ARSB: variants seen among roughly 807,000 people sequenced by gnomAD.
ARSB encodes the protein arylsulfatase B.
Under a neutral mutation model 50.9 loss-of-function variants are expected in ARSB, and 41 were observed. The ratio of observed to expected loss-of-function variants is 0.81; its 90% CI spans 0.63 to 1.04. The LOEUF is 1.04. ARSB is among the 50% of genes least tolerant of loss of function. The pLI, the probability that ARSB is intolerant of heterozygous loss-of-function variation, is 0.00. For missense variants in ARSB, 672 were observed against 693.3 expected (o/e 0.97, Z 0.35); for synonymous variants, 269 against 284.8 (o/e 0.94, Z 0.56).
intron 6 of ARSB, chr5:78,815,697 A>T: frequency 9.6e-7 from 1 of 1,046,632 alleles, no homozygotes; most frequent in Non-Finnish European, 1.2e-6. Flanking sequence ...TACATGTGCC[A>T]TATTACTGTA....
chr5:78,951,116 C>T (rs568616732), intron 4 of ARSB, among the ~76,000 whole-genome samples: 24 of 152,280 alleles, frequency 1.6e-4, no homozygotes, highest in African/African-American at 5.3e-4. Flanking sequence ...AAGCGGCTCA[C>T]ACTGATAATC....
intron 4 of ARSB, among the ~76,000 whole-genome samples, chr5:78,923,098 A>T (rs1269667019): frequency 6.6e-6 from 1 of 152,202 alleles, no homozygotes; most frequent in Non-Finnish European, 1.5e-5. Context: ...AGAGAGCAGG[A>T]GGGAAAGGCT....
At chr5:78,797,537 C>T (rs765222314) in intron 6 of ARSB, among the ~76,000 whole-genome samples, 4 of 152,216 alleles carry the variant, frequency 2.6e-5, no homozygotes, top group Non-Finnish European at 4.4e-5. Flanking sequence ...GGGATATTGA[C>T]ATCCATCTGC....
intron 4 of ARSB, among the ~76,000 whole-genome samples, chr5:78,903,149 G>C (rs1186559923): frequency 6.6e-6 from 1 of 152,202 alleles, no homozygotes; most frequent in Admixed American, 6.5e-5. Flanking sequence ...TAACTTCAGA[G>C]GGGGAATAAG....
chr5:78,820,770 T>A (rs1021409311), intron 6 of ARSB, among the ~76,000 whole-genome samples: 1 of 152,064 alleles, frequency 6.6e-6, no homozygotes, highest in Non-Finnish European at 1.5e-5. Context: ...TTCTACCTAC[T>A]AGATGCCAAT....
intron 1 of ARSB, among the ~76,000 whole-genome samples, chr5:78,978,521 T>C (rs960512727): frequency 1.3e-5 from 2 of 152,096 alleles, no homozygotes; most frequent in African/African-American, 4.8e-5. Flanking sequence ...AAAATTTATG[T>C]GGAAATGCAA....
intron 4 of ARSB, among the ~76,000 whole-genome samples, chr5:78,913,041 A>G (rs550935794): frequency 3.2e-4 from 48 of 152,268 alleles, no homozygotes; most frequent in African/African-American, 1.1e-3. Flanking sequence ...CAGCTGGAGC[A>G]ATGTTGCCTG....
intron 4 of ARSB, among the ~76,000 whole-genome samples, chr5:78,945,485 C>G (rs1751181794): frequency 6.6e-6 from 1 of 152,190 alleles, no homozygotes; most frequent in Non-Finnish European, 1.5e-5. Flanking sequence ...TGCCTTTACT[C>G]AAGTGCTCCT....
chr5:78,900,307 C>T (rs781342727), intron 4 of ARSB, among the ~76,000 whole-genome samples: 3 of 152,174 alleles, frequency 2.0e-5, no homozygotes, highest in East Asian at 3.9e-4. Flanking sequence ...ACCTTCTGAC[C>T]TTTGTTGCAG....
At chr5:78,857,010 A>C (rs1746184538) in intron 5 of ARSB, among the ~76,000 whole-genome samples, 1 of 152,222 alleles carries the variant, frequency 6.6e-6, no homozygotes, top group African/African-American at 2.4e-5. Context: ...CCTATCTTAC[A>C]GAGTTGTTAT....
chr5:78,801,143 G>A (rs997573320), intron 6 of ARSB, among the ~76,000 whole-genome samples: 1 of 152,098 alleles, frequency 6.6e-6, no homozygotes, highest in Admixed American at 6.5e-5. Context: ...GGGATGAAAG[G>A]CCTGTTTTAG....
At chr5:78,865,350 C>T (rs1259168190) in intron 5 of ARSB, among the ~76,000 whole-genome samples, 3 of 152,224 alleles carry the variant, frequency 2.0e-5, no homozygotes, top group South Asian at 4.1e-4. Flanking sequence ...AACCATGGCC[C>T]AAGCTCTACA....
intron 6 of ARSB, among the ~76,000 whole-genome samples, chr5:78,830,341 C>T (rs947394590): frequency 1.3e-5 from 2 of 152,188 alleles, no homozygotes; most frequent in African/African-American, 2.4e-5. Flanking sequence ...CATCAAATGG[C>T]CTAACTCCAG....
chr5:78,879,271 T>C (rs1747633178), intron 5 of ARSB, among the ~76,000 whole-genome samples: 1 of 152,202 alleles, frequency 6.6e-6, no homozygotes, highest in Non-Finnish European at 1.5e-5. Context: ...TCAAACAACC[T>C]ATAGGCTGAT....
intron 3 of ARSB, among the ~76,000 whole-genome samples, chr5:78,956,181 G>A (rs1338144799): frequency 6.6e-6 from 1 of 152,024 alleles, no homozygotes; most frequent in Non-Finnish European, 1.5e-5. Context: ...AGCAACATAT[G>A]GCAATAAATG....
intron 6 of ARSB, among the ~76,000 whole-genome samples, chr5:78,785,919 A>G (rs1749068323): frequency 1.3e-5 from 2 of 152,200 alleles, no homozygotes; most frequent in African/African-American, 4.8e-5. Context: ...AGGGTCAGAG[A>G]GGTGGCAACT....
At chr5:78,944,916 T>C (rs1161974854) in intron 4 of ARSB, among the ~76,000 whole-genome samples, 1 of 152,216 alleles carries the variant, frequency 6.6e-6, no homozygotes, top group African/African-American at 2.4e-5. Context: ...TGAGCTGCGG[T>C]GGGCTCTACC....
intron 6 of ARSB, among the ~76,000 whole-genome samples, chr5:78,835,976 C>T (rs1293266258): frequency 6.6e-6 from 1 of 152,094 alleles, no homozygotes; most frequent in African/African-American, 2.4e-5. Context: ...CAGTTTACAC[C>T]CGAGATTGGC....
intron 6 of ARSB, among the ~76,000 whole-genome samples, chr5:78,807,277 C>A (rs1021675207): frequency 1.3e-5 from 2 of 152,210 alleles, no homozygotes; most frequent in African/African-American, 4.8e-5. Context: ...TTTATGTTCC[C>A]AGTTGGTTGG....
Sources: gnomAD v4.1 joint callset for allele counts (sites outside exome capture counted in the v4.1 genomes callset) on GRCh38, gnomAD v4.1.1 for gene constraint, MANE v1.5 for transcripts, NCBI Gene and HGNC (gene_info 2026-07-23, HGNC 2026-07-21) for gene names.